The following MICAL3 variants were observed in gnomAD, a reference collection of about 807,000 sequenced individuals.
MICAL3 encodes the protein [F-actin]-monooxygenase MICAL3.
MICAL3 carries 62 observed loss-of-function variants against 207.4 expected under a neutral mutation model. That is an observed-to-expected ratio of 0.30 (90% confidence interval 0.24 to 0.37). The LOEUF (loss-of-function observed/expected upper bound fraction) is 0.37, where lower values mean the gene tolerates loss of function less well. Ranked by LOEUF, MICAL3 falls within the 10% of genes least tolerant of loss-of-function variation. The probability of loss-of-function intolerance (pLI) is 1.00; values close to 1 mark genes in which losing one functional copy is unlikely to be tolerated. For synonymous variants in MICAL3, 1,077 were observed against 1,069.3 expected (o/e 1.01, Z -0.14); for missense variants, 2,368 against 2,635.6 (o/e 0.90, Z 2.22).
rs761141800 is a variant in MICAL3, at chr22:17,818,727, G to A, written c.3934C>T (p.Leu1312Phe). 35 of 1,611,464 alleles carry A rather than the reference G, an allele frequency of 2.2e-5. No individual in the cohort carries two copies. The highest frequency in any genetic ancestry group is 6.6e-5 in the South Asian group (6 of 90,790). The part of the protein sequence containing the change: ...SDTKDRLGSP[L>F]AVDEALRRSD... ...CGTCTGAGGGCCTCATCCACAGCAA[G>A]GGGGCTGCCCAGTCTGTCCTTGGTG... Residue 1312 changes from leucine to phenylalanine, a missense_variant, in exon 26 of 32, where the codon CTT becomes TTT. By Grantham distance (22) the Leu-to-Phe change is conservative. Around this residue, in one of 4 missense-constraint regions of MICAL3, gnomAD observed 1,770 missense variants for 1,863.2 expected, o/e 0.95. Transcript: ENST00000441493.
At chr22:17,873,435 C>T (rs992264323) in intron 16 of MICAL3, among the ~76,000 whole-genome samples, 4 of 152,280 alleles carry the variant, frequency 2.6e-5, no homozygotes, top group African/African-American at 9.6e-5. Context: ...CGCTCCCAGG[C>T]TGTTTTGGAA....
chr22:17,827,934 T>TACACAC (rs60820224), intron 21 of MICAL3, among the ~76,000 whole-genome samples, 153 bp from the exon 22 acceptor site: 3,642 of 150,898 alleles, frequency 0.024, 62 homozygotes, highest in African/African-American at 0.047. Context: ...TGCACATGTA[T>TACACAC]ACACACACAC....
chr22:17,949,390 T>G (rs1934226469), intron 1 of MICAL3, among the ~76,000 whole-genome samples: 1 of 152,046 alleles, frequency 6.6e-6, no homozygotes, highest in African/African-American at 2.4e-5. Context: ...GAGTATAATG[T>G]TACCTCACTG....
chr22:17,817,256 G>GCCCCTCCCGCA (rs78294255), intron 26 of MICAL3, 55 bp downstream of exon 26: 104,133 of 1,497,404 alleles, frequency 0.07, 4,108 homozygotes, highest in South Asian at 0.11. Context: ...AGTGACCCCA[G>GCCCCTCCCGCA]CCCCTCCCGC....
chr22:17,968,283 G>C (rs527955114), intron 1 of MICAL3, among the ~76,000 whole-genome samples: 1 of 152,040 alleles, frequency 6.6e-6, no homozygotes, highest in African/African-American at 2.4e-5. Context: ...GAAGCGTTGG[G>C]GGAGGGAGAA....
intron 1 of MICAL3, among the ~76,000 whole-genome samples, chr22:18,014,911 T>C (rs1923958893): frequency 6.6e-6 from 1 of 151,620 alleles, no homozygotes; most frequent in Non-Finnish European, 1.5e-5. Flanking sequence ...GAGAATGGCA[T>C]GAACCCAGAA....
chr22:17,852,618 T>C (rs1186194028), intron 19 of MICAL3, among the ~76,000 whole-genome samples: 1 of 152,112 alleles, frequency 6.6e-6, no homozygotes, highest in Non-Finnish European at 1.5e-5. Context: ...CAAGAGGAAA[T>C]CAGGTACCCT....
At chr22:17,860,157 C>T (rs553857567) in intron 19 of MICAL3, 10 of 968,634 alleles carry the variant, frequency 1.0e-5, no homozygotes, top group Middle Eastern at 5.3e-4. Context: ...CTCAGAAATC[C>T]GAAGATTGTT....
chr22:17,944,459 G>A (rs190714938), intron 1 of MICAL3, among the ~76,000 whole-genome samples: 47 of 152,276 alleles, frequency 3.1e-4, no homozygotes, highest in African/African-American at 1.0e-3. Flanking sequence ...GTGATCTCCC[G>A]CCTGTTCAAG....
At chr22:17,931,851 C>G (rs1163365203) in intron 1 of MICAL3, among the ~76,000 whole-genome samples, 3 of 152,198 alleles carry the variant, frequency 2.0e-5, no homozygotes, top group African/African-American at 7.2e-5. Flanking sequence ...AGGCAGAGAC[C>G]CATGTGTCTT....
intron 16 of MICAL3, among the ~76,000 whole-genome samples, chr22:17,874,145 T>C (rs1928017556): frequency 6.6e-6 from 1 of 152,242 alleles, no homozygotes; most frequent in East Asian, 1.9e-4. Context: ...AAGGCTCAGC[T>C]GAACTGAAGA....
rs1295586151 is a variant in MICAL3, at chr22:17,906,705, A to G, written c.108T>C (p.Cys36=). 1.2e-6 allele frequency: 2 copies of G among 1,613,974 alleles called. No individual in the cohort carries two copies. Among genetic ancestry groups the G allele is most frequent in the Admixed American group, 3.3e-5 (2 of 60,024 alleles). ...KGTLKAFQEL[C]DHLELKPKDY... ...CCTTTGGCTTTAGTTCCAGGTGGTC[A>G]CAGAGCTCCTGGAAAGCCTTGAGGG... The change falls in exon 2 of 32, where the codon TGT becomes TGC. Residue 36 remains cysteine, a synonymous_variant. Coordinates refer to ENST00000441493, the MANE Select transcript of MICAL3 (RefSeq NM_015241.3).
chr22:17,943,904 T>C (rs1933926764), intron 1 of MICAL3, among the ~76,000 whole-genome samples: 1 of 152,130 alleles, frequency 6.6e-6, no homozygotes, highest in Non-Finnish European at 1.5e-5. Flanking sequence ...TTTTTCTACA[T>C]CAAACTATAG....
At chr22:17,839,071 C>G (rs1208815356) in intron 20 of MICAL3, among the ~76,000 whole-genome samples, 1 of 149,212 alleles carries the variant, frequency 6.7e-6, no homozygotes, top group Non-Finnish European at 1.5e-5. Context: ...AAGTGGTTCT[C>G]CTGCCTCAGC....
intron 1 of MICAL3, among the ~76,000 whole-genome samples, chr22:17,990,577 G>A (rs202133737): frequency 1.3e-5 from 2 of 152,114 alleles, no homozygotes; most frequent in African/African-American, 2.4e-5. Context: ...ACACACTCCC[G>A]GTCACACACT....
intron 1 of MICAL3, among the ~76,000 whole-genome samples, chr22:18,021,412 G>A (rs925762355): frequency 2.6e-5 from 4 of 152,200 alleles, no homozygotes; most frequent in Non-Finnish European, 5.9e-5. Context: ...AGCAGCTCCC[G>A]CTCAGCCAAG....
intron 19 of MICAL3, chr22:17,862,268 T>C (rs549503451): frequency 5.1e-6 from 5 of 984,244 alleles, no homozygotes; most frequent in Non-Finnish European, 6.0e-6. Flanking sequence ...TCTTCTTTTT[T>C]TTTTTTAGAT....
At chr22:17,949,125 G>A (rs1408184091) in intron 1 of MICAL3, among the ~76,000 whole-genome samples, 4 of 151,628 alleles carry the variant, frequency 2.6e-5, no homozygotes, top group Non-Finnish European at 5.9e-5. Flanking sequence ...TGGGAGGATG[G>A]CTTGAGCCCA....
At chr22:17,945,352 G>A (rs1172318233) in intron 1 of MICAL3, among the ~76,000 whole-genome samples, 2 of 152,190 alleles carry the variant, frequency 1.3e-5, no homozygotes, top group African/African-American at 2.4e-5. Context: ...CACCTTGGGC[G>A]CTGGCCCAGA....
Sources: allele counts gnomAD v4.1 joint callset (sites outside exome capture counted in the v4.1 genomes callset), GRCh38; gene constraint gnomAD v4.1.1; regional missense constraint gnomAD v4.1.1; transcripts MANE v1.5; gene names NCBI Gene and HGNC (gene_info 2026-07-23, HGNC 2026-07-21).